The following REG3G variants were observed in gnomAD, a reference collection of about 807,000 sequenced individuals.
REG3G encodes regenerating islet-derived protein 3-gamma.
REG3G carries 19 observed loss-of-function variants against 20.9 expected under a neutral mutation model. The ratio of observed to expected loss-of-function variants is 0.91; its 90% CI spans 0.64 to 1.34. The LOEUF (loss-of-function observed/expected upper bound fraction) is 1.34, where lower values mean the gene tolerates loss of function less well. REG3G is among the 40% of genes most tolerant of loss of function. REG3G has a pLI of 0.00. For synonymous variants in REG3G, 89 were observed against 77.4 expected, an observed-to-expected ratio of 1.15 and a Z score of -0.79; for missense variants, 235 against 205.0, an observed-to-expected ratio of 1.15 and a Z score of -0.89.
chr2:79,026,553 G>A (rs530061427), intron 2 of REG3G, 160 bp from the exon 3 acceptor site: 1 of 646,068 alleles, frequency 1.5e-6, no homozygotes, highest in Non-Finnish European at 2.7e-6. Flanking sequence ...CATTTAGTAG[G>A]GCTATTTTGA....
rs1177985700 is a variant in REG3G at position 79,027,066 on chromosome 2, G to A, written c.228G>A (p.Leu76=). ...GCCAGAAGCGGCCCTCTGGAAAACTGGTGTCTGTGCTCAGTGGGGCTGAGG... is the reference window on the plus strand; with the variant it reads ...GCCAGAAGCGGCCCTCTGGAAAACTAGTGTCTGTGCTCAGTGGGGCTGAGG... ...LACQKRPSGK[L]VSVLSGAEGS... The change falls in exon 4 of 6, where the codon CTG becomes CTA. Residue 76 remains leucine, a synonymous_variant. Coordinates refer to ENST00000272324, the MANE Select transcript of REG3G (RefSeq NM_001008387.3). The A allele has an allele frequency of 6.2e-7, 1 of 1,614,086 alleles. No homozygotes were observed. Among genetic ancestry groups the A allele is most frequent in the South Asian group, 1.1e-5 (1 of 91,084 alleles).
chr2:79,026,793 G>A lies in REG3G; in HGVS notation c.157G>A (p.Ala53Thr). 1.2e-6 allele frequency: 2 copies of A among 1,613,496 alleles called. No individual in the cohort carries two copies. Among genetic ancestry groups the A allele is most frequent in the Middle Eastern group, 3.3e-4 (2 of 6,058 alleles). Residue 53 changes from alanine to threonine, a missense_variant, in exon 3 of 6, where the codon GCC (alanine) becomes ACC (threonine). Transcript: ENST00000272324. The stretch of plus-strand genomic sequence containing the variant: ...CAAGGCCTATGGCTCCCCCTGCTAT[G>A]CCTTGTTTTTGTCACCAAAATCCTG... ...GSKAYGSPCY[A>T]LFLSPKSWMD...
intron 2 of REG3G, 56 bp from the exon 3 acceptor site, chr2:79,026,657 A>C: frequency 1.2e-5 from 16 of 1,342,254 alleles, no homozygotes; most frequent in East Asian, 2.3e-5. Flanking sequence ...CCCCAAGGTC[A>C]TCTCCCACCC....
At chr2:79,027,444 G>A (rs1671654008) in intron 4 of REG3G, among the ~76,000 whole-genome samples, 1 of 152,196 alleles carries the variant, frequency 6.6e-6, no homozygotes, top group African/African-American at 2.4e-5. Flanking sequence ...GAGCTTCAGG[G>A]AGTCTGTATC....
chr2:79,028,063 T>C, intron 5 of REG3G, 130 bp downstream of exon 5: 2 of 1,303,990 alleles, frequency 1.5e-6, no homozygotes, highest in Non-Finnish European at 2.2e-6. Flanking sequence ...CTCTCATCTC[T>C]GCCTTCTTTG....
intron 5 of REG3G, 109 bp downstream of exon 5, chr2:79,028,042 T>C: frequency 7.1e-7 from 1 of 1,401,286 alleles, no homozygotes; most frequent in Non-Finnish European, 1.0e-6. Flanking sequence ...TTATGTGCCT[T>C]CTCCCGTCTC....
At chr2:79,026,300 T>G (rs944185551) in intron 2 of REG3G, 131 bp downstream of exon 2, 1 of 850,150 alleles carries the variant, frequency 1.2e-6, no homozygotes, top group Non-Finnish European at 1.9e-6. Flanking sequence ...TCCTGCATCA[T>G]CACTCCTTCC....
chr2:79,026,444 G>C (rs577235117), intron 2 of REG3G: 2 of 595,808 alleles, frequency 3.4e-6, no homozygotes, highest in Non-Finnish European at 6.0e-6. Flanking sequence ...TGTGGGGAGG[G>C]ACAATGATTG....
intron 5 of REG3G, 95 bp downstream of exon 5, chr2:79,028,028 G>C (rs1671669876): frequency 1.3e-6 from 2 of 1,497,674 alleles, no homozygotes; most frequent in Non-Finnish European, 1.8e-6. Context: ...AGGTAATGCA[G>C]TGTTTATGTG....
chr2:79,027,947 G>C lies in REG3G; in HGVS notation c.460+14G>C. The C allele has an allele frequency of 6.2e-7, 1 of 1,613,686 alleles. No individual in the cohort carries two copies. Among genetic ancestry groups the C allele is most frequent in the Non-Finnish European group, 8.5e-7 (1 of 1,179,816 alleles). ...CAAGAAGCACAGGTAAGAAACAGAA[G>C]AGCTGCCTCTTCCCAGCACTTTCCA... On this transcript the variant is annotated intron_variant, in intron 5 of 5. Coordinates refer to ENST00000272324, the MANE Select transcript of REG3G (RefSeq NM_001008387.3).
At chr2:79,028,020 G>T in intron 5 of REG3G, 87 bp downstream of exon 5, 3 of 1,545,346 alleles carry the variant, frequency 1.9e-6, no homozygotes, top group Non-Finnish European at 2.7e-6. Flanking sequence ...TTTCAGCTAG[G>T]TAATGCAGTG....
chr2:79,027,964 C>A, intron 5 of REG3G, 31 bp downstream of exon 5: 1 of 1,612,870 alleles, frequency 6.2e-7, no homozygotes, highest in East Asian at 2.2e-5. Context: ...CTCTTCCCAG[C>A]ACTTTCCACT....
chr2:79,026,303 C>A, intron 2 of REG3G, 134 bp downstream of exon 2: 1 of 822,874 alleles, frequency 1.2e-6, no homozygotes. Flanking sequence ...TGCATCATCA[C>A]TCCTTCCTTC....
chr2:79,027,970 C>T (rs772246218), intron 5 of REG3G, 37 bp downstream of exon 5: 3 of 1,612,368 alleles, frequency 1.9e-6, no homozygotes, highest in Non-Finnish European at 2.5e-6. Context: ...CCAGCACTTT[C>T]CACTCCTCAT....
chr2:79,026,244 T>G, intron 2 of REG3G, 75 bp downstream of exon 2: 1 of 1,439,718 alleles, frequency 6.9e-7, no homozygotes, highest in South Asian at 1.1e-5. Context: ...GGCTCCTGTG[T>G]GTCACGTGAG....
At chr2:79,026,357 T>C (rs565339220) in intron 2 of REG3G, 188 bp downstream of exon 2, 28 of 625,690 alleles carry the variant, frequency 4.5e-5, no homozygotes, top group African/African-American at 9.2e-5. Flanking sequence ...CCACTAACAA[T>C]GGAATGAGAT....
intron 4 of REG3G, 64 bp downstream of exon 4, chr2:79,027,235 C>G: frequency 6.5e-7 from 1 of 1,548,862 alleles, no homozygotes; most frequent in Non-Finnish European, 8.9e-7. Flanking sequence ...GGCGCACTCC[C>G]TGTCCCCAGT....
intron 2 of REG3G, 98 bp from the exon 3 acceptor site, chr2:79,026,614 TG>T: frequency 1.1e-6 from 1 of 900,426 alleles, no homozygotes; most frequent in Non-Finnish European, 1.8e-6. Context: ...GTCAGGAATG[TG>T]GTCTTCCTCC....
Position 79,026,847 on chromosome 2 carries a change from T to C in REG3G, c.195+16T>C, listed in dbSNP as rs1198082255. On this transcript the variant is annotated intron_variant, in intron 3 of 5. Coordinates refer to ENST00000272324, the MANE Select transcript of REG3G (RefSeq NM_001008387.3). The stretch of plus-strand genomic sequence containing the variant: ...GGATGCAGATGTGAGTGGTTAGATG[T>C]GGGGTTGGAGGTGATAGGGGAAAGT... 8 of 1,585,348 alleles carry C rather than the reference T, an allele frequency of 5.0e-6. No homozygotes were observed. Among genetic ancestry groups the C allele is most frequent in the Non-Finnish European group, 5.1e-6 (6 of 1,165,244 alleles).
Sources: gnomAD v4.1 joint callset for allele counts (sites outside exome capture counted in the v4.1 genomes callset) on GRCh38, gnomAD v4.1.1 for gene constraint, MANE v1.5 for transcripts, NCBI Gene and HGNC (gene_info 2026-07-23, HGNC 2026-07-21) for gene names.